Variants in DRD2 observed in about 807,000 individuals in gnomAD.
DRD2 encodes dopamine receptor D2.
A neutral mutation model predicts 38.0 loss-of-function variants in DRD2; 8 were observed. The observed-to-expected ratio is 0.21, with a 90% CI of 0.12 to 0.38. The LOEUF (loss-of-function observed/expected upper bound fraction) is 0.38. DRD2 is among the 10% of genes least tolerant of loss of function. The pLI is 1.00. For missense variants in DRD2, 403 were observed against 607.7 expected (o/e 0.66, Z 3.54); for synonymous variants, 230 against 238.6 (o/e 0.96, Z 0.33).
rs555507176 is a variant in DRD2 at position 113,433,237 on chromosome 11, A to C, written c.-31-8555T>G. Among the ~76,000 whole-genome samples, 5 of 152,298 alleles carry C rather than the reference A, an allele frequency of 3.3e-5. No individual in the cohort carries two copies. The South Asian group carries it at 1.0e-3, about 32-fold the overall frequency. On this transcript the variant is annotated intron_variant, in intron 1 of 7. Coordinates refer to ENST00000362072, the MANE Select transcript of DRD2 (RefSeq NM_000795.4). ...TTTCCTGCATCCCAGGCCCGAGTGCACAGGGGAGTGGGGTGTGAGGCTGTG... is the reference window on the plus strand; with the variant it reads ...TTTCCTGCATCCCAGGCCCGAGTGCCCAGGGGAGTGGGGTGTGAGGCTGTG...
chr11:113,459,771 TAGAA>T (rs1178583201), intron 1 of DRD2, among the ~76,000 whole-genome samples: 2 of 152,292 alleles, frequency 1.3e-5, no homozygotes, highest in Non-Finnish European at 2.9e-5. Context: ...TAAAAATAGA[TAGAA>T]GAGAAGATTG....
chr11:113,446,628 AT>A (rs1284305280), intron 1 of DRD2, among the ~76,000 whole-genome samples: 4 of 152,206 alleles, frequency 2.6e-5, no homozygotes, highest in African/African-American at 9.7e-5. Flanking sequence ...CCCTACTAAC[AT>A]TAACATACTG....
Position 113,418,107 on chromosome 11 carries a change from A to C in DRD2, c.315T>G (p.Ile105Met). Reference sequence around the variant, plus strand: ...CCAGAGTGACGAAGATGTCACAGTGAATCCTGCTGAATTTCCACTCACCTA... The same window carrying C: ...CCAGAGTGACGAAGATGTCACAGTGCATCCTGCTGAATTTCCACTCACCTA... The part of the protein sequence containing the change: ...EVVGEWKFSR[I>M]HCDIFVTLDV... Residue 105 changes from isoleucine to methionine, a missense_variant, in exon 3 of 8, where the codon ATT becomes ATG. By Grantham distance (10) the Ile-to-Met change is conservative (BLOSUM62 1). This residue lies in a region of DRD2 where 162 missense variants were observed against 254.5 expected (regional missense o/e 0.64). Transcript: ENST00000362072. The C allele has an allele frequency of 1.2e-6, 2 of 1,614,206 alleles. No individual in the cohort carries two copies. The highest frequency in any genetic ancestry group is 1.7e-6 in the Non-Finnish European group (2 of 1,180,028).
At chr11:113,441,148 T>G (rs2119855625) in intron 1 of DRD2, among the ~76,000 whole-genome samples, 1 of 152,340 alleles carries the variant, frequency 6.6e-6, no homozygotes, top group South Asian at 2.1e-4. Context: ...GCTGAAGTCA[T>G]CTGAGAACCA....
chr11:113,438,631 C>T (rs1346627705), intron 1 of DRD2, among the ~76,000 whole-genome samples: 1 of 152,322 alleles, frequency 6.6e-6, no homozygotes, highest in Non-Finnish European at 1.5e-5. Flanking sequence ...GGGCACCTGG[C>T]AGGTGACCTT....
At chr11:113,426,865 C>T (rs1174776794) in intron 1 of DRD2, among the ~76,000 whole-genome samples, 2 of 152,224 alleles carry the variant, frequency 1.3e-5, no homozygotes, top group South Asian at 2.1e-4. Context: ...ATTTGGAGCC[C>T]ACAGCGGGAG....
At chr11:113,474,389 C>T (rs1305452860) in intron 1 of DRD2, 5 of 152,316 alleles carry the variant, frequency 3.3e-5, no homozygotes, top group Admixed American at 6.5e-5. Flanking sequence ...CGGTCACCCT[C>T]CGCTACTGCC....
chr11:113,444,620 G>C (rs1340015138), intron 1 of DRD2, among the ~76,000 whole-genome samples: 1 of 152,178 alleles, frequency 6.6e-6, no homozygotes, highest in Non-Finnish European at 1.5e-5. Flanking sequence ...CTGAATGACT[G>C]TCTTTTACAC....
chr11:113,428,203 G>A (rs1469768906), intron 1 of DRD2, among the ~76,000 whole-genome samples: 1 of 152,186 alleles, frequency 6.6e-6, no homozygotes, highest in African/African-American at 2.4e-5. Flanking sequence ...CAGCCTGCAG[G>A]AAATGTACAG....
At chr11:113,443,641 G>A (rs4648319) in intron 1 of DRD2, among the ~76,000 whole-genome samples, 24,220 of 152,162 alleles carry the variant, frequency 0.16, 2,342 homozygotes, top group East Asian at 0.35. Flanking sequence ...CTGTCAGCTC[G>A]CCAGGCAGTT....
In DRD2 at chr11:113,469,659, G is replaced by A. The variant is rs549260496; in HGVS notation, c.-32+5417C>T. On this transcript the variant is annotated intron_variant, in intron 1 of 7. Coordinates refer to ENST00000362072, the MANE Select transcript of DRD2 (RefSeq NM_000795.4). ...AAGACCAGACTGGACAACAAAGCAA[G>A]GCCCTATATCTACAAAAAATTCTTT... 3.9e-5 allele frequency among the ~76,000 whole-genome samples: 6 copies of A among 152,194 alleles called. No individual in the cohort carries two copies. The South Asian group carries it at 1.2e-3, about 32-fold the overall frequency.
chr11:113,463,462 T>C (rs1951341369), intron 1 of DRD2, among the ~76,000 whole-genome samples: 1 of 152,006 alleles, frequency 6.6e-6, no homozygotes, highest in African/African-American at 2.4e-5. Flanking sequence ...CCTCTCCAAG[T>C]ACAATTTTCT....
intron 6 of DRD2, chr11:113,414,049 T>C: frequency 2.6e-6 from 1 of 381,454 alleles, no homozygotes; most frequent in South Asian, 2.2e-5. Flanking sequence ...TCAAAGAGAC[T>C]TACCTCCCGG....
At chr11:113,467,635 G>A (rs4245149) in intron 1 of DRD2, among the ~76,000 whole-genome samples, 26,163 of 152,180 alleles carry the variant, frequency 0.17, 2,584 homozygotes, top group East Asian at 0.39. Flanking sequence ...CTGTGCCAGA[G>A]CAACATACCA....
At chr11:113,414,539 C>T in intron 5 of DRD2, 78 bp from the exon 6 acceptor site, 1 of 1,477,850 alleles carries the variant, frequency 6.8e-7, no homozygotes, top group Non-Finnish European at 9.5e-7. Context: ...TGCAGCAGTC[C>T]ATGGAACTCA....
intron 1 of DRD2, among the ~76,000 whole-genome samples, chr11:113,426,054 T>G (rs117173348): frequency 1.2e-3 from 182 of 152,148 alleles, no homozygotes; most frequent in African/African-American, 3.8e-3. Context: ...AGTGATGTTT[T>G]GGCTGTAATT....
chr11:113,420,415 T>C (rs1262806225), intron 2 of DRD2, among the ~76,000 whole-genome samples: 1 of 152,188 alleles, frequency 6.6e-6, no homozygotes. Context: ...GAAGCTGCCT[T>C]GGAGAGTAGT....
intron 2 of DRD2, among the ~76,000 whole-genome samples, chr11:113,419,631 ATGCACCTTTGGC>A (rs767014188): frequency 1.5e-4 from 23 of 152,148 alleles, no homozygotes; most frequent in Non-Finnish European, 3.2e-4. Flanking sequence ...GGACAGGGAG[ATGCACCTTTGGC>A]TTCTACCAAT....
intron 1 of DRD2, among the ~76,000 whole-genome samples, chr11:113,458,445 C>G (rs898375848): frequency 6.6e-6 from 1 of 152,172 alleles, no homozygotes. Flanking sequence ...GAAAACACAG[C>G]CCTCTATGGT....
Sources: allele counts gnomAD v4.1 joint callset (sites outside exome capture counted in the v4.1 genomes callset), GRCh38; gene constraint gnomAD v4.1.1; regional missense constraint gnomAD v4.1.1; transcripts MANE v1.5; gene names NCBI Gene and HGNC (gene_info 2026-07-23, HGNC 2026-07-21).